DPYSL2: variants seen among roughly 807,000 people sequenced by gnomAD.
DPYSL2 encodes the protein dihydropyrimidinase-related protein 2.
DPYSL2 carries 13 observed loss-of-function variants against 69.9 expected under a neutral mutation model. That is an observed-to-expected ratio of 0.19 (90% CI 0.12 to 0.30). DPYSL2 has a LOEUF of 0.30. Ranked by LOEUF, DPYSL2 falls within the 10% of genes least tolerant of loss-of-function variation. The pLI, the probability that DPYSL2 is intolerant of heterozygous loss-of-function variation, is 1.00. For missense variants in DPYSL2, 587 were observed against 918.9 expected, an observed-to-expected ratio of 0.64 and a Z score of 4.67; for synonymous variants, 326 against 359.1, an observed-to-expected ratio of 0.91 and a Z score of 1.04.
At chr8:26,535,510 C>T (rs1036810540) in intron 1 of DPYSL2, among the ~76,000 whole-genome samples, 8 of 152,052 alleles carry the variant, frequency 5.3e-5, no homozygotes, top group Admixed American at 1.3e-4. Context: ...TTTCTGCTCT[C>T]ATTTGAAACT....
chr8:26,582,190 T>C lies in DPYSL2; in HGVS notation c.443+133T>C. On this transcript the variant is annotated intron_variant, in intron 2 of 13. Coordinates refer to ENST00000521913, the MANE Select transcript of DPYSL2 (RefSeq NM_001197293.3). This position sits in a 1 kb window ranked among gnomAD's most constrained non-coding sequence, Gnocchi z 4.1. ...GACCAACTTAGTATCTGTTTTAAAC[T>C]GGTTTTGATTGGTGGTAATTAGTGA... 1.5e-6 allele frequency: 1 copy of C among 651,276 alleles called. No individual in the cohort carries two copies. Among genetic ancestry groups the C allele is most frequent in the African/African-American group, 1.8e-5 (1 of 55,196 alleles). The allele number at this position is 651,276 out of a possible 1,614,324, so 40.3% of individuals were successfully genotyped here. A position where few individuals can be genotyped will look rare whatever the true frequency, so the allele number is the denominator to read the frequency against.
rs1474009899 is a variant in DPYSL2, at chr8:26,610,299, C to T, written c.629-13844C>T. ...GAGATGAATTGATTTGTTCCTGATA[C>T]ATTCTGTTGGGATACAGTCCATTTG... On this transcript the variant is annotated intron_variant, in intron 3 of 13. Coordinates refer to ENST00000521913, the MANE Select transcript of DPYSL2 (RefSeq NM_001197293.3). This position sits in a 1 kb window ranked among gnomAD's most constrained non-coding sequence, Gnocchi z 4.5. Among the ~76,000 whole-genome samples, 1 of 152,162 alleles carries T rather than the reference C, an allele frequency of 6.6e-6. No homozygotes were observed. Among genetic ancestry groups the T allele is most frequent in the Non-Finnish European group, 1.5e-5 (1 of 68,030 alleles).
rs973450672 is a variant in DPYSL2 at position 26,597,983 on chromosome 8, C to G, written c.628+14000C>G. Among the ~76,000 whole-genome samples, 11 of 152,188 alleles carry G rather than the reference C, an allele frequency of 7.2e-5. No homozygotes were observed. The highest frequency in any genetic ancestry group is 2.7e-4 in the African/African-American group (11 of 41,450). ...GGAGACCTTCGTGCCAGGGTCGACTCTGCTGCTTATTAGCTCAGGCTCGGT... is the reference window on the plus strand; with the variant it reads ...GGAGACCTTCGTGCCAGGGTCGACTGTGCTGCTTATTAGCTCAGGCTCGGT... On this transcript the variant is annotated intron_variant, in intron 3 of 13. Transcript: ENST00000521913. The surrounding 1 kb of genome is among the most constrained non-coding windows in gnomAD (Gnocchi z 5.2).
chr8:26,652,290 T>G lies in DPYSL2; in HGVS notation c.1630T>G (p.Cys544Gly). Residue 544 changes from cysteine to glycine, a missense_variant, in exon 12 of 14, where the codon TGC becomes GGC. Physicochemically the swap from Cys to Gly is radical, Grantham distance 159. Around this residue, in one of 3 missense-constraint regions of DPYSL2, gnomAD observed 452 missense variants for 754.3 expected, o/e 0.60. Coordinates refer to ENST00000521913, the MANE Select transcript of DPYSL2 (RefSeq NM_001197293.3). The surrounding 1 kb of genome is among the most constrained non-coding windows in gnomAD (Gnocchi z 6.3). ...GTACAACATCTTTGAAGGCATGGAGTGCCGCGGCTCCCCACTGGTGGTCAT... is the reference window on the plus strand; with the variant it reads ...GTACAACATCTTTGAAGGCATGGAGGGCCGCGGCTCCCCACTGGTGGTCAT... ...LEYNIFEGME[C>G]RGSPLVVISQ... is the part of the protein sequence containing the mutation. 1 of 1,613,922 alleles carries G rather than the reference T, an allele frequency of 6.2e-7. No homozygotes were observed. The highest frequency in any genetic ancestry group is 8.5e-7 in the Non-Finnish European group (1 of 1,179,980).
At chr8:26,532,608 A>G (rs926627850) in intron 1 of DPYSL2, among the ~76,000 whole-genome samples, 2 of 152,186 alleles carry the variant, frequency 1.3e-5, no homozygotes. Flanking sequence ...TTTTATATAC[A>G]TGGAAACATA....
Position 26,588,399 on chromosome 8 carries a change from C to T in DPYSL2, c.628+4416C>T, listed in dbSNP as rs1031718834. The stretch of plus-strand genomic sequence containing the variant: ...CTGGTGGGGTCTGTGACTCTGTATT[C>T]GAATCTGGTGCTTGGGGAGCTTTTT... On this transcript the variant is annotated intron_variant, in intron 3 of 13. Transcript: ENST00000521913. This position sits in a 1 kb window ranked among gnomAD's most constrained non-coding sequence, Gnocchi z 5.4. Among the ~76,000 whole-genome samples the T allele has an allele frequency of 6.6e-6, 1 of 152,152 alleles. No homozygotes were observed. The highest frequency in any genetic ancestry group is 2.4e-5 in the African/African-American group (1 of 41,434).
chr8:26,611,138 A>T (rs914137459), intron 3 of DPYSL2, among the ~76,000 whole-genome samples: 4 of 152,206 alleles, frequency 2.6e-5, no homozygotes, highest in Admixed American at 1.3e-4. Flanking sequence ...TAGAGCCAGG[A>T]TTCTACCCAG....
At position 26,597,267 on chromosome 8, in the gene DPYSL2, T is replaced by C. The variant is rs1801882438; in HGVS notation, c.628+13284T>C. On this transcript the variant is annotated intron_variant, in intron 3 of 13. Coordinates refer to ENST00000521913, the MANE Select transcript of DPYSL2 (RefSeq NM_001197293.3). This position sits in a 1 kb window ranked among gnomAD's most constrained non-coding sequence, Gnocchi z 5.2. ...TTCATCAACTGAACTTAATCCTTCTTCTGGGAGGCCCGGGAGCCTTCTTCC... is the reference window on the plus strand; with the variant it reads ...TTCATCAACTGAACTTAATCCTTCTCCTGGGAGGCCCGGGAGCCTTCTTCC... 6.6e-6 allele frequency among the ~76,000 whole-genome samples: 1 copy of C among 152,208 alleles called. No individual in the cohort carries two copies. Among genetic ancestry groups the C allele is most frequent in the Admixed American group, 6.5e-5 (1 of 15,290 alleles).
intron 1 of DPYSL2, among the ~76,000 whole-genome samples, chr8:26,557,123 A>C (rs146299931): frequency 2.0e-5 from 3 of 151,836 alleles, no homozygotes; most frequent in African/African-American, 7.3e-5. Context: ...TAAAACTCCT[A>C]GAATATAACA....
chr8:26,645,568 A>G (rs1803144684), intron 10 of DPYSL2, among the ~76,000 whole-genome samples: 1 of 152,024 alleles, frequency 6.6e-6, no homozygotes, highest in Non-Finnish European at 1.5e-5. Flanking sequence ...TCATTTATTT[A>G]TTTATTTATT....
intron 3 of DPYSL2, among the ~76,000 whole-genome samples, chr8:26,599,093 A>G (rs1043765728): frequency 6.6e-6 from 1 of 152,218 alleles, no homozygotes; most frequent in Admixed American, 6.5e-5. Context: ...AGTCCTTTTA[A>G]TGAAAGATGG....
rs1177620025 is a variant in DPYSL2, at chr8:26,620,678, C to A, written c.629-3465C>A. 6.6e-6 allele frequency among the ~76,000 whole-genome samples: 1 copy of A among 151,952 alleles called. No homozygotes were observed. Among genetic ancestry groups the A allele is most frequent in the Non-Finnish European group, 1.5e-5 (1 of 68,010 alleles). ...ATAATGATAAAGTATTTTTTAAAGT[C>A]ATCATGAATCAATAGAAGGAAAGGA... On this transcript the variant is annotated intron_variant, in intron 3 of 13. Transcript: ENST00000521913. The surrounding 1 kb of genome is among the most constrained non-coding windows in gnomAD (Gnocchi z 4.5).
rs2130000009 is a variant in DPYSL2 at position 26,653,469 on chromosome 8, A to G, written c.1942+72A>G. Reference sequence around the variant, plus strand: ...CTGGTGCTGGCGAGGCTACAGTTGCATTTGGAAAGGACACAGAAATAGAAG... The same window carrying G: ...CTGGTGCTGGCGAGGCTACAGTTGCGTTTGGAAAGGACACAGAAATAGAAG... On this transcript the variant is annotated intron_variant, in intron 13 of 13. Coordinates refer to ENST00000521913, the MANE Select transcript of DPYSL2 (RefSeq NM_001197293.3). The surrounding 1 kb of genome is among the most constrained non-coding windows in gnomAD (Gnocchi z 5.7). 1 of 1,482,576 alleles carries G rather than the reference A, an allele frequency of 6.7e-7. No individual in the cohort carries two copies. Among genetic ancestry groups the G allele is most frequent in the South Asian group, 1.3e-5 (1 of 77,324 alleles). 91.8% of individuals were successfully genotyped at this position (1,482,576 alleles called of 1,614,324 possible). A position where few individuals can be genotyped will look rare whatever the true frequency, so the allele number is the denominator to read the frequency against.
chr8:26,629,361 GACATACACAGAC>G lies in DPYSL2; in HGVS notation c.1005+1431_1005+1442del, dbSNP rs1044847709. 5.5e-3 allele frequency among the ~76,000 whole-genome samples: 825 copies of G among 149,548 alleles called. 9 individuals carry two copies. The highest frequency in any genetic ancestry group is 0.019 in the African/African-American group (776 of 41,042). ...ACAGACACATACAGACACAGACACA[GACATACACAGAC>G]ACATACACATGCAGAGGCAGATACA... On this transcript the variant is annotated intron_variant, in intron 7 of 13. Coordinates refer to ENST00000521913, the MANE Select transcript of DPYSL2 (RefSeq NM_001197293.3).
In DPYSL2 at chr8:26,573,997, C is replaced by A. The variant is rs182447313; in HGVS notation, c.355-7972C>A. 1.2e-4 allele frequency among the ~76,000 whole-genome samples: 19 copies of A among 152,032 alleles called. No homozygotes were observed. In the East Asian group the frequency reaches 3.7e-3, roughly 29 times the overall value. On this transcript the variant is annotated intron_variant, in intron 1 of 13. Coordinates refer to ENST00000521913, the MANE Select transcript of DPYSL2 (RefSeq NM_001197293.3). ...TTTATGCACAAAATGTTAAGGGCACCTGCCAGAGACAAGGCAGTGTGCTGG... is the reference window on the plus strand; with the variant it reads ...TTTATGCACAAAATGTTAAGGGCACATGCCAGAGACAAGGCAGTGTGCTGG...
intron 1 of DPYSL2, among the ~76,000 whole-genome samples, chr8:26,522,641 T>C (rs943798528): frequency 1.3e-5 from 2 of 152,230 alleles, no homozygotes; most frequent in South Asian, 2.1e-4. Flanking sequence ...GCCGTTTGTG[T>C]GTCTTCTTTG....
chr8:26,579,491 A>T (rs757487676), intron 1 of DPYSL2, among the ~76,000 whole-genome samples: 10 of 152,168 alleles, frequency 6.6e-5, no homozygotes, highest in Non-Finnish European at 1.3e-4. Context: ...AGATCGAAAG[A>T]GCCTTTTAAA....
chr8:26,643,288 C>T lies in DPYSL2; in HGVS notation c.1127-151C>T. On this transcript the variant is annotated intron_variant, in intron 8 of 13. Coordinates refer to ENST00000521913, the MANE Select transcript of DPYSL2 (RefSeq NM_001197293.3). This position sits in a 1 kb window ranked among gnomAD's most constrained non-coding sequence, Gnocchi z 6.5. ...AGAGGTACTGAATTTCTCCAAGTCT[C>T]AGTTTCCTCATCTGCGAGATGAGCC... The T allele has an allele frequency of 2.5e-6, 2 of 786,910 alleles. No homozygotes were observed. The highest frequency in any genetic ancestry group is 3.0e-5 in the East Asian group (1 of 33,752). The allele number at this position is 786,910 out of a possible 1,614,324, so 48.7% of individuals were successfully genotyped here. A position where few individuals can be genotyped will look rare whatever the true frequency, so the allele number is the denominator to read the frequency against.
chr8:26,652,424 G>A lies in DPYSL2; in HGVS notation c.1764G>A (p.Lys588=), dbSNP rs1803297617. The A allele has an allele frequency of 1.9e-6, 3 of 1,612,540 alleles. No individual in the cohort carries two copies. In the African/African-American group the frequency reaches 4.0e-5, roughly 22 times the overall value. ...PFPDFVYKRI[K]ARSRLAELRG... ...CTGATTTTGTTTACAAGCGTATCAAGGCAAGGAGCAGGGTGAGTAGTTTTG... is the reference window on the plus strand; with the variant it reads ...CTGATTTTGTTTACAAGCGTATCAAAGCAAGGAGCAGGGTGAGTAGTTTTG... The change falls in exon 12 of 14, where the codon AAG becomes AAA. Residue 588 remains lysine (K), a synonymous_variant. Coordinates refer to ENST00000521913, the MANE Select transcript of DPYSL2 (RefSeq NM_001197293.3). This position sits in a 1 kb window ranked among gnomAD's most constrained non-coding sequence, Gnocchi z 6.3.
Sources: allele counts gnomAD v4.1 joint callset (sites outside exome capture counted in the v4.1 genomes callset), GRCh38; gene constraint gnomAD v4.1.1; regional missense constraint gnomAD v4.1.1; non-coding constraint Gnocchi (gnomAD v3.1); transcripts MANE v1.5; gene names NCBI Gene and HGNC (gene_info 2026-07-23, HGNC 2026-07-21).